FARP1: variants seen among roughly 807,000 people sequenced by gnomAD.
FARP1 encodes FERM, ARHGEF and pleckstrin domain-containing protein 1.
In FARP1, 52 loss-of-function variants were observed where a neutral mutation model predicts 128.8. The observed-to-expected ratio is 0.40, with a 90% CI of 0.32 to 0.51. The LOEUF (loss-of-function observed/expected upper bound fraction) is 0.51. Among genes scored for constraint, FARP1 ranks in the 20% least tolerant of loss-of-function variants. The pLI is 0.45. For missense variants in FARP1, 1,333 were observed against 1,367.9 expected (o/e 0.97, Z 0.40); for synonymous variants, 580 against 551.8 (o/e 1.05, Z -0.72).
intron 16 of FARP1, among the ~76,000 whole-genome samples, chr13:98,422,948 A>G (rs1257488511): frequency 3.3e-5 from 5 of 152,216 alleles, no homozygotes; most frequent in Non-Finnish European, 1.5e-5. Context: ...ATTGACTCAC[A>G]CGTTCACAAG....
At chr13:98,152,492 C>T (rs1298135009) in intron 1 of FARP1, among the ~76,000 whole-genome samples, 1 of 152,124 alleles carries the variant, frequency 6.6e-6, no homozygotes, top group East Asian at 1.9e-4. Flanking sequence ...CTGAAGCAGG[C>T]AAGAGGGTGA....
At chr13:98,320,742 C>G (rs1886954455) in intron 2 of FARP1, among the ~76,000 whole-genome samples, 1 of 152,206 alleles carries the variant, frequency 6.6e-6, no homozygotes, top group African/African-American at 2.4e-5. Flanking sequence ...GGATACCATT[C>G]TTATCTTCTT....
chr13:98,379,610 C>G (rs912435217), intron 6 of FARP1, among the ~76,000 whole-genome samples: 1 of 152,126 alleles, frequency 6.6e-6, no homozygotes, highest in African/African-American at 2.4e-5. Flanking sequence ...TGCAGGACCT[C>G]CCAAGGACAC....
chr13:98,283,167 A>G (rs1258217760), intron 2 of FARP1, among the ~76,000 whole-genome samples: 1 of 152,208 alleles, frequency 6.6e-6, no homozygotes, highest in Non-Finnish European at 1.5e-5. Context: ...CTCTGCATAA[A>G]TGCTATAATC....
At chr13:98,237,541 C>A (rs929310076) in intron 2 of FARP1, among the ~76,000 whole-genome samples, 56 of 152,168 alleles carry the variant, frequency 3.7e-4, no homozygotes, top group African/African-American at 1.2e-3. Flanking sequence ...GGATCATCTC[C>A]GTCATGAGCG....
chr13:98,411,747 GC>G (rs980800371), intron 15 of FARP1, among the ~76,000 whole-genome samples, 153 bp from the exon 16 acceptor site: 7 of 152,170 alleles, frequency 4.6e-5, no homozygotes, highest in Non-Finnish European at 1.0e-4. Context: ...AAGCAGTAAG[GC>G]CCGGGCAGCC....
chr13:98,249,852 A>G lies in FARP1; in HGVS notation c.171+36439A>G, dbSNP rs1883239862. Among the ~76,000 whole-genome samples the G allele has an allele frequency of 2.0e-5, 3 of 152,130 alleles. No homozygotes were observed. In the South Asian group the frequency reaches 6.2e-4, roughly 32 times the overall value. On this transcript the variant is annotated intron_variant, in intron 2 of 26. Coordinates refer to ENST00000319562, the MANE Select transcript of FARP1 (RefSeq NM_005766.4). Reference sequence around the variant, plus strand: ...AACATGAAATTCCAGGGGCAAATGAACAGTCTGGTTCCCCACCTCTCTCCC... The same window carrying G: ...AACATGAAATTCCAGGGGCAAATGAGCAGTCTGGTTCCCCACCTCTCTCCC...
intron 3 of FARP1, among the ~76,000 whole-genome samples, chr13:98,364,384 A>G (rs73567628): frequency 3.3e-5 from 5 of 152,292 alleles, no homozygotes; most frequent in Admixed American, 6.5e-5. Context: ...TGGAAATTTA[A>G]TGGGTGGAAA....
intron 2 of FARP1, among the ~76,000 whole-genome samples, chr13:98,290,703 G>C (rs774587240): frequency 6.6e-6 from 1 of 152,092 alleles, no homozygotes; most frequent in Non-Finnish European, 1.5e-5. Context: ...GAGTAACATC[G>C]TACTGGTGTA....
chr13:98,197,295 C>T (rs191342337), intron 1 of FARP1, among the ~76,000 whole-genome samples: 3 of 152,012 alleles, frequency 2.0e-5, no homozygotes, highest in Non-Finnish European at 4.4e-5. Context: ...GGAGAAACCC[C>T]GTCTCTACTA....
chr13:98,441,066 C>T lies in FARP1; in HGVS notation c.2796+230C>T, dbSNP rs553046216. 4.6e-5 allele frequency among the ~76,000 whole-genome samples: 7 copies of T among 152,354 alleles called. 1 individual carries two copies. The highest frequency in any genetic ancestry group is 1.7e-4 in the African/African-American group (7 of 41,588). On this transcript the variant is annotated intron_variant, in intron 24 of 26. Coordinates refer to ENST00000319562, the MANE Select transcript of FARP1 (RefSeq NM_005766.4). The stretch of plus-strand genomic sequence containing the variant: ...CGACCTCCCACAAATGCAGTCATAT[C>T]CCTTGGTGCTCATCAGTCCTATTGC...
At chr13:98,289,255 ATTAATG>A (rs61132164) in intron 2 of FARP1, among the ~76,000 whole-genome samples, 3,398 of 152,244 alleles carry the variant, frequency 0.022, 114 homozygotes, top group African/African-American at 0.078. Context: ...TAAAGAAACA[ATTAATG>A]TTAATGTTAT....
intron 5 of FARP1, among the ~76,000 whole-genome samples, chr13:98,373,690 T>C (rs1889458872): frequency 6.6e-6 from 1 of 152,130 alleles, no homozygotes; most frequent in Admixed American, 6.6e-5. Context: ...TAGGGCACTT[T>C]TTGCTGGTTA....
chr13:98,153,558 T>TTATATATATTATATATAAATATGTATAAA (rs1566671333), intron 1 of FARP1, among the ~76,000 whole-genome samples: 3 of 116,444 alleles, frequency 2.6e-5, no homozygotes, highest in Non-Finnish European at 3.4e-5. Flanking sequence ...AAATATATAT[T>TTATATATATTATATATAAATATGTATAAA]TATATATATT....
intron 22 of FARP1, 37 bp from the exon 23 acceptor site, chr13:98,440,086 G>A (rs1313941242): frequency 6.2e-7 from 1 of 1,610,308 alleles, no homozygotes; most frequent in Non-Finnish European, 8.5e-7. Flanking sequence ...CCTTTGATGT[G>A]CTGTGGCCTG....
At chr13:98,342,604 G>A (rs1594423905) in intron 2 of FARP1, among the ~76,000 whole-genome samples, 1 of 152,262 alleles carries the variant, frequency 6.6e-6, no homozygotes, top group Non-Finnish European at 1.5e-5. Flanking sequence ...GGAGGCCGAG[G>A]TAGGAGAATC....
chr13:98,157,825 G>A (rs540746731), intron 1 of FARP1, among the ~76,000 whole-genome samples: 61 of 152,318 alleles, frequency 4.0e-4, no homozygotes, highest in African/African-American at 1.4e-3. Flanking sequence ...GAACATAGTA[G>A]GTGCTCAATA....
chr13:98,372,081 CTTTTTT>C (rs56838920), intron 5 of FARP1, among the ~76,000 whole-genome samples: 13 of 92,348 alleles, frequency 1.4e-4, no homozygotes, highest in African/African-American at 2.6e-4. Flanking sequence ...CCCAGTTTTT[CTTTTTT>C]TTTTTTTTTT....
At chr13:98,443,617 C>T (rs556514321) in intron 24 of FARP1, among the ~76,000 whole-genome samples, 11 of 152,284 alleles carry the variant, frequency 7.2e-5, no homozygotes, top group South Asian at 2.1e-4. Context: ...ATCTGGGGAC[C>T]GTGTGGCCTC....
Sources: allele counts gnomAD v4.1 joint callset (sites outside exome capture counted in the v4.1 genomes callset), GRCh38; gene constraint gnomAD v4.1.1; transcripts MANE v1.5; gene names NCBI Gene and HGNC (gene_info 2026-07-23, HGNC 2026-07-21).